The following ZBTB46 variants were observed in gnomAD, a reference collection of about 807,000 sequenced individuals.
ZBTB46 encodes the protein zinc finger and BTB domain containing 46.
A neutral mutation model predicts 44.1 loss-of-function variants in ZBTB46; 8 were observed. The ratio of observed to expected loss-of-function variants is 0.18; its 90% CI spans 0.11 to 0.33. The LOEUF (loss-of-function observed/expected upper bound fraction) is 0.33. Ranked by LOEUF, ZBTB46 falls within the 10% of genes least tolerant of loss-of-function variation. The pLI, the probability that ZBTB46 is intolerant of heterozygous loss-of-function variation, is 1.00. For synonymous variants in ZBTB46, 409 were observed against 382.3 expected (o/e 1.07, Z -0.81); for missense variants, 651 against 847.7 (o/e 0.77, Z 2.88).
In ZBTB46 at chr20:63,745,074, G is replaced by A. The variant is rs1035330340; in HGVS notation, c.*1856C>T. 6.6e-6 allele frequency: 1 copy of A among 152,542 alleles called. No homozygotes were observed. Among genetic ancestry groups the A allele is most frequent in the Non-Finnish European group, 1.5e-5 (1 of 68,088 alleles). 9.4% of individuals were successfully genotyped at this position (152,542 alleles called of 1,614,324 possible). On this transcript the variant is annotated 3_prime_UTR_variant, in exon 5 of 5. Transcript: ENST00000245663. ...GTGGGGCTGGCCTGGGGTGAGGGCT[G>A]GAGGGCTCCGCTGCAGCTCCCTGGT... is the stretch of plus-strand genomic sequence containing the variant.
At position 63,790,529 on chromosome 20, in the gene ZBTB46, T is replaced by C. The variant is rs2092552773; in HGVS notation, c.229A>G (p.Ile77Val). The C allele has an allele frequency of 6.2e-7, 1 of 1,612,722 alleles. No homozygotes were observed. The highest frequency in any genetic ancestry group is 8.5e-7 in the Non-Finnish European group (1 of 1,179,218). Reference protein sequence around the residue: ...SEQATVTHLDIVTAQGFKAII... With the variant: ...SEQATVTHLDVVTAQGFKAII... Reference sequence around the variant, plus strand: ...GCCTTGAAGCCCTGGGCCGTGACGATGTCCAGGTGCGTGACCGTGGCCTGC... The same window carrying C: ...GCCTTGAAGCCCTGGGCCGTGACGACGTCCAGGTGCGTGACCGTGGCCTGC... Residue 77 changes from isoleucine (I) to valine (V), a missense_variant, in exon 2 of 5, where the codon ATC becomes GTC. Physicochemically the swap from Ile to Val is conservative, Grantham distance 29. Around this residue, in one of 5 missense-constraint regions of ZBTB46, gnomAD observed 65 missense variants for 167.9 expected, o/e 0.39. Transcript: ENST00000245663.
intron 1 of ZBTB46, among the ~76,000 whole-genome samples, chr20:63,806,250 A>C (rs2092680485): frequency 6.6e-6 from 1 of 151,020 alleles, no homozygotes; most frequent in Non-Finnish European, 1.5e-5. Context: ...AAAAGTTAAA[A>C]AAAAAAATTA....
chr20:63,775,647 A>G, intron 3 of ZBTB46, 31 bp downstream of exon 3: 1 of 1,527,292 alleles, frequency 6.5e-7, no homozygotes, highest in Non-Finnish European at 8.8e-7. Context: ...AACCACACCA[A>G]AGCCAAGCGG....
intron 4 of ZBTB46, among the ~76,000 whole-genome samples, chr20:63,747,793 G>C (rs2092119240): frequency 6.6e-6 from 1 of 152,138 alleles, no homozygotes; most frequent in Non-Finnish European, 1.5e-5. Flanking sequence ...AGGTGGGCCA[G>C]TCTCAGCGTC....
chr20:63,763,083 C>T (rs1202262221), intron 3 of ZBTB46, among the ~76,000 whole-genome samples: 3 of 152,182 alleles, frequency 2.0e-5, no homozygotes, highest in Non-Finnish European at 4.4e-5. Flanking sequence ...AGGTCTCAAA[C>T]TCTTGGCCCC....
At chr20:63,818,430 C>A (rs1414787988) in intron 1 of ZBTB46, among the ~76,000 whole-genome samples, 1 of 152,210 alleles carries the variant, frequency 6.6e-6, no homozygotes, top group East Asian at 1.9e-4. Flanking sequence ...GTCAGTTCTG[C>A]AGAGGGAGGG....
At position 63,745,120 on chromosome 20, in the gene ZBTB46, G is replaced by T. The variant is rs968968227; in HGVS notation, c.*1810C>A. ...CTGGTAGCCATGCTCTCCCCCTGGG[G>T]GACTCGTGCCAGAGCCACCCACCTT... On this transcript the variant is annotated 3_prime_UTR_variant, in exon 5 of 5. Coordinates refer to ENST00000245663, the MANE Select transcript of ZBTB46 (RefSeq NM_001369741.1). 1.3e-5 allele frequency: 2 copies of T among 152,386 alleles called. No homozygotes were observed. The highest frequency in any genetic ancestry group is 2.9e-5 in the Non-Finnish European group (2 of 68,096). The allele number at this position is 152,386 out of a possible 1,614,324, so 9.4% of individuals were successfully genotyped here. A position where few individuals can be genotyped will look rare whatever the true frequency, so the allele number is the denominator to read the frequency against.
At position 63,823,047 on chromosome 20, in the gene ZBTB46, C is replaced by T. The variant is rs183559111; in HGVS notation, c.-34+8050G>A. Reference sequence around the variant, plus strand: ...GGGCATGGTGGCGCGCACCTGTGATCCCAGTTACTCAGGAGGCTGAGGCAG... The same window carrying T: ...GGGCATGGTGGCGCGCACCTGTGATTCCAGTTACTCAGGAGGCTGAGGCAG... On this transcript the variant is annotated intron_variant, in intron 1 of 4. Transcript: ENST00000245663. Among the ~76,000 whole-genome samples the T allele has an allele frequency of 4.0e-4, 47 of 117,888 alleles. No individual in the cohort carries two copies. In the East Asian group the frequency reaches 0.018, roughly 45 times the overall value. The allele number at this position is 117,888 out of a possible 152,430, so 77.3% of individuals were successfully genotyped here.
intron 1 of ZBTB46, among the ~76,000 whole-genome samples, chr20:63,808,976 C>CAAAAAAAAAAAAAAAAAAAAAAA (rs1157399042): frequency 2.4e-4 from 18 of 75,156 alleles, no homozygotes; most frequent in South Asian, 5.3e-4. Flanking sequence ...GACTCCGCTT[C>CAAAAAAAAAAAAAAAAAAAAAAA]AAAAAAAAAA....
At chr20:63,782,112 T>C (rs1285887100) in intron 2 of ZBTB46, among the ~76,000 whole-genome samples, 1 of 106,072 alleles carries the variant, frequency 9.4e-6, no homozygotes, top group Non-Finnish European at 2.1e-5. Context: ...AAAAGAGGCG[T>C]GGCGATTTTC....
At chr20:63,820,203 C>T (rs2092783416) in intron 1 of ZBTB46, among the ~76,000 whole-genome samples, 1 of 152,076 alleles carries the variant, frequency 6.6e-6, no homozygotes, top group African/African-American at 2.4e-5. Context: ...ACGCCATTCT[C>T]CCACCTCAGC....
chr20:63,763,890 T>C (rs2092297083), intron 3 of ZBTB46, among the ~76,000 whole-genome samples: 1 of 152,208 alleles, frequency 6.6e-6, no homozygotes, highest in Non-Finnish European at 1.5e-5. Context: ...ATCCCCCAAA[T>C]TATAATTGTT....
chr20:63,774,887 T>C (rs2092410673), intron 3 of ZBTB46, among the ~76,000 whole-genome samples: 1 of 151,898 alleles, frequency 6.6e-6, no homozygotes, highest in African/African-American at 2.4e-5. Context: ...GTATTTTTAG[T>C]AGAGACGGGG....
chr20:63,801,610 T>G (rs1167179762), intron 1 of ZBTB46, among the ~76,000 whole-genome samples: 1 of 152,226 alleles, frequency 6.6e-6, no homozygotes, highest in African/African-American at 2.4e-5. Context: ...ACTGTCTTTA[T>G]GAGCTGTAAG....
At chr20:63,828,072 C>T (rs936263609) in intron 1 of ZBTB46, among the ~76,000 whole-genome samples, 13 of 152,380 alleles carry the variant, frequency 8.5e-5, no homozygotes, top group African/African-American at 3.1e-4. Context: ...AGGCGTGAGC[C>T]ACCACGCCCA....
At position 63,752,597 on chromosome 20, in the gene ZBTB46, CG is replaced by C; in HGVS notation, c.1398+88del. The C allele has an allele frequency of 2.9e-6, 4 of 1,400,134 alleles. No homozygotes were observed. Among genetic ancestry groups the C allele is most frequent in the Non-Finnish European group, 2.8e-6 (3 of 1,071,180 alleles). The allele number at this position is 1,400,134 out of a possible 1,614,324, so 86.7% of individuals were successfully genotyped here. A position where few individuals can be genotyped will look rare whatever the true frequency, so the allele number is the denominator to read the frequency against. ...TGCAGAGTGGACCCGGTGTGGGGTC[CG>C]GGGCGGTCTGCGCCCTCATCAGGAC... On this transcript the variant is annotated intron_variant, in intron 4 of 4. Transcript: ENST00000245663. This position sits in a 1 kb window ranked among gnomAD's most constrained non-coding sequence, Gnocchi z 5.6.
intron 1 of ZBTB46, among the ~76,000 whole-genome samples, chr20:63,814,488 G>C (rs1258136433): frequency 2.6e-5 from 4 of 152,210 alleles, no homozygotes; most frequent in African/African-American, 4.8e-5. Context: ...TGCGGTGAGA[G>C]AGAATCTCAT....
intron 1 of ZBTB46, among the ~76,000 whole-genome samples, chr20:63,801,584 C>T (rs535033788): frequency 1.6e-3 from 250 of 152,264 alleles, no homozygotes; most frequent in African/African-American, 5.8e-3. Flanking sequence ...TGCTGCTGCT[C>T]ACTCTTTGGG....
chr20:63,760,551 C>T (rs973633519), intron 3 of ZBTB46, among the ~76,000 whole-genome samples: 9 of 151,640 alleles, frequency 5.9e-5, no homozygotes, highest in Non-Finnish European at 7.4e-5. Flanking sequence ...CTGCAAGCTC[C>T]GCCTCCTGGG....
Sources: gnomAD v4.1 joint callset for allele counts (sites outside exome capture counted in the v4.1 genomes callset) on GRCh38, gnomAD v4.1.1 for gene constraint, gnomAD v4.1.1 regional missense constraint, Gnocchi (gnomAD v3.1) non-coding constraint, MANE v1.5 for transcripts, NCBI Gene and HGNC (gene_info 2026-07-23, HGNC 2026-07-21) for gene names.